The following STAC variants were observed in gnomAD, a reference collection of about 807,000 sequenced individuals.
STAC encodes the protein SH3 and cysteine rich domain.
Under a neutral mutation model 48.8 loss-of-function variants are expected in STAC, and 43 were observed. The ratio of observed to expected loss-of-function variants is 0.88; its 90% CI spans 0.69 to 1.14. STAC has a LOEUF of 1.14. STAC is among the 50% of genes most tolerant of loss of function. The pLI is 0.00. For missense variants in STAC, 497 were observed against 504.0 expected, an observed-to-expected ratio of 0.99 and a Z score of 0.13; for synonymous variants, 193 against 179.5, an observed-to-expected ratio of 1.07 and a Z score of -0.60.
At position 36,388,198 on chromosome 3, in the gene STAC, A is replaced by G. The variant is rs373217589; in HGVS notation, c.111+7444A>G. Among the ~76,000 whole-genome samples, 22 of 152,234 alleles carry G rather than the reference A, an allele frequency of 1.4e-4. 1 individual carries two copies. The highest frequency in any genetic ancestry group is 5.3e-4 in the African/African-American group (22 of 41,566). On this transcript the variant is annotated intron_variant, in intron 1 of 10. Coordinates refer to ENST00000273183, the MANE Select transcript of STAC (RefSeq NM_003149.3). ...AGTATTATAGCTTTCTAACCAGCAAATTTGAATGATGCAGAAGTATTGAAT... is the reference window on the plus strand; with the variant it reads ...AGTATTATAGCTTTCTAACCAGCAAGTTTGAATGATGCAGAAGTATTGAAT...
chr3:36,410,289 T>C (rs1319925530), intron 1 of STAC, among the ~76,000 whole-genome samples: 1 of 152,198 alleles, frequency 6.6e-6, no homozygotes, highest in Non-Finnish European at 1.5e-5. Flanking sequence ...TTAAGTTATG[T>C]GTTTCGTGGG....
At chr3:36,415,184 T>C (rs1461238530) in intron 1 of STAC, among the ~76,000 whole-genome samples, 2 of 152,172 alleles carry the variant, frequency 1.3e-5, no homozygotes, top group African/African-American at 4.8e-5. Context: ...GAACCACTAC[T>C]CTCTTCAAAG....
intron 2 of STAC, among the ~76,000 whole-genome samples, chr3:36,451,432 TTTA>T (rs1449501857): frequency 6.6e-6 from 1 of 151,870 alleles, no homozygotes. Context: ...AATTCAGATT[TTTA>T]TTGTTATTTC....
At chr3:36,463,465 A>G (rs1425806001) in intron 2 of STAC, among the ~76,000 whole-genome samples, 7 of 151,872 alleles carry the variant, frequency 4.6e-5, no homozygotes, top group African/African-American at 1.4e-4. Flanking sequence ...TGTCTATAAC[A>G]AAATCTCTCA....
At chr3:36,430,164 T>C (rs1266370568) in intron 1 of STAC, among the ~76,000 whole-genome samples, 1 of 152,196 alleles carries the variant, frequency 6.6e-6, no homozygotes, top group Non-Finnish European at 1.5e-5. Context: ...TTACTCAACA[T>C]AGAATGCCTA....
At chr3:36,425,203 T>C (rs192807414) in intron 1 of STAC, among the ~76,000 whole-genome samples, 1 of 152,296 alleles carries the variant, frequency 6.6e-6, no homozygotes, top group African/African-American at 2.4e-5. Flanking sequence ...TTTGACCCAG[T>C]GACAAAAGTT....
At chr3:36,515,597 C>A (rs894390781) in intron 8 of STAC, among the ~76,000 whole-genome samples, 1 of 152,070 alleles carries the variant, frequency 6.6e-6, no homozygotes, top group East Asian at 1.9e-4. Context: ...CAAGTGAAAG[C>A]GGGTAGAGGA....
chr3:36,449,659 T>A (rs1696625744), intron 2 of STAC, among the ~76,000 whole-genome samples: 1 of 152,228 alleles, frequency 6.6e-6, no homozygotes, highest in South Asian at 2.1e-4. Flanking sequence ...CATTGAAAAT[T>A]ACTTAAATGA....
chr3:36,398,320 C>CAAGCAAGAAAGAAAGA (rs1699898474), intron 1 of STAC, among the ~76,000 whole-genome samples: 2 of 82,242 alleles, frequency 2.4e-5, no homozygotes, highest in East Asian at 5.8e-4. Context: ...AGAAAGAAAG[C>CAAGCAAGAAAGAAAGA]AAGAAAGAAA....
Position 36,484,977 on chromosome 3 carries a change from C to A in STAC, c.490C>A (p.Pro164Thr). 6.3e-7 allele frequency: 1 copy of A among 1,595,666 alleles called. No individual in the cohort carries two copies. The highest frequency in any genetic ancestry group is 1.1e-5 in the South Asian group (1 of 87,926). Residue 164 changes from proline to threonine, a missense_variant and splice_region_variant, in exon 4 of 11, where the codon CCA becomes ACA. Coordinates refer to ENST00000273183, the MANE Select transcript of STAC (RefSeq NM_003149.3). ...LAPQRCMGKL[P>T]KGFRRYYSSP... ...CTTGCCTTCCTCATTCTCTCTCCAG[C>A]CAAAGGGGTTTCGGCGTTACTACAG...
intron 8 of STAC, among the ~76,000 whole-genome samples, chr3:36,517,486 C>A (rs1241005952): frequency 6.6e-6 from 1 of 152,036 alleles, no homozygotes; most frequent in Non-Finnish European, 1.5e-5. Flanking sequence ...ACCATCTCCA[C>A]AAAAATAGAA....
intron 10 of STAC, among the ~76,000 whole-genome samples, chr3:36,534,577 T>C (rs1365477636): frequency 2.7e-5 from 4 of 148,670 alleles, no homozygotes; most frequent in Non-Finnish European, 3.0e-5. Context: ...CTCATAATTA[T>C]TGTATTTTTT....
chr3:36,514,467 T>C (rs1698620828), intron 8 of STAC, among the ~76,000 whole-genome samples: 1 of 152,046 alleles, frequency 6.6e-6, no homozygotes, highest in African/African-American at 2.4e-5. Context: ...TATTCTTTCA[T>C]GATGCCATAG....
At chr3:36,426,598 T>C (rs1460473888) in intron 1 of STAC, among the ~76,000 whole-genome samples, 1 of 152,242 alleles carries the variant, frequency 6.6e-6, no homozygotes, top group South Asian at 2.1e-4. Context: ...AGATTTTTCT[T>C]AAGCCAATAC....
intron 1 of STAC, among the ~76,000 whole-genome samples, chr3:36,404,008 T>C (rs1260000976): frequency 6.6e-6 from 1 of 152,224 alleles, no homozygotes; most frequent in Non-Finnish European, 1.5e-5. Context: ...CAACTCTGTA[T>C]GCTACAAGCT....
chr3:36,386,365 C>A (rs890182951), intron 1 of STAC, among the ~76,000 whole-genome samples: 3 of 150,270 alleles, frequency 2.0e-5, no homozygotes, highest in African/African-American at 7.3e-5. Flanking sequence ...GATATGAGAA[C>A]GTTGAGAGAA....
chr3:36,389,595 T>C (rs1371893774), intron 1 of STAC, among the ~76,000 whole-genome samples: 2 of 152,356 alleles, frequency 1.3e-5, no homozygotes. Flanking sequence ...TAACTGGTGA[T>C]AGCTGGCACA....
chr3:36,453,114 C>T (rs934299135), intron 2 of STAC, among the ~76,000 whole-genome samples: 1 of 152,234 alleles, frequency 6.6e-6, no homozygotes, highest in Non-Finnish European at 1.5e-5. Context: ...TGACTTTGGT[C>T]ATCGTACTAC....
chr3:36,402,701 A>T (rs1700020744), intron 1 of STAC, among the ~76,000 whole-genome samples: 1 of 152,200 alleles, frequency 6.6e-6, no homozygotes, highest in African/African-American at 2.4e-5. Context: ...TACAGGAATA[A>T]TAAGAAGGAG....
Sources: allele counts gnomAD v4.1 joint callset (sites outside exome capture counted in the v4.1 genomes callset), GRCh38; gene constraint gnomAD v4.1.1; transcripts MANE v1.5; gene names NCBI Gene and HGNC (gene_info 2026-07-23, HGNC 2026-07-21).